G3BP2: variants seen among roughly 807,000 people sequenced by gnomAD.
G3BP2 encodes G3BP stress granule assembly factor 2, also known as ras GTPase-activating protein-binding protein 2.
G3BP2 carries 11 observed loss-of-function variants against 56.7 expected under a neutral mutation model. The ratio of observed to expected loss-of-function variants is 0.19; its 90% CI spans 0.12 to 0.32. G3BP2 has a LOEUF of 0.32. Among genes scored for constraint, G3BP2 ranks in the 10% least tolerant of loss-of-function variants. The pLI is 1.00. For missense variants in G3BP2, 340 were observed against 610.9 expected, an observed-to-expected ratio of 0.56 and a Z score of 4.67; for synonymous variants, 165 against 191.6, an observed-to-expected ratio of 0.86 and a Z score of 1.15.
intron 3 of G3BP2, among the ~76,000 whole-genome samples, chr4:75,698,774 G>A (rs1236261813): frequency 1.3e-5 from 2 of 152,072 alleles, no homozygotes; most frequent in African/African-American, 4.8e-5. Context: ...CATGATCACG[G>A]CTCACTGAAG....
Position 75,645,283 on chromosome 4 carries a change from C to T in G3BP2, c.*147G>A, listed in dbSNP as rs1171371291. ...GAAATTGGGGAAATAATGTCCACCT[C>T]AATTTAACTGATAACCAAAGATGCT... On this transcript the variant is annotated 3_prime_UTR_variant, in exon 12 of 12. Transcript: ENST00000359707. The T allele has an allele frequency of 3.0e-6, 2 of 673,934 alleles. No homozygotes were observed. The highest frequency in any genetic ancestry group is 7.2e-4 in the Middle Eastern group (2 of 2,786). The allele number at this position is 673,934 out of a possible 1,614,324, so 41.7% of individuals were successfully genotyped here.
chr4:75,719,628 T>C (rs890180533), intron 3 of G3BP2, among the ~76,000 whole-genome samples: 1 of 152,114 alleles, frequency 6.6e-6, no homozygotes. Context: ...TTCGCTCTTG[T>C]TGCGCAGGCT....
At chr4:75,716,545 C>T (rs1364463606) in intron 3 of G3BP2, among the ~76,000 whole-genome samples, 8 of 148,712 alleles carry the variant, frequency 5.4e-5, no homozygotes, top group Admixed American at 5.4e-4. Context: ...GACAGAGTTT[C>T]CCTCTTGTCA....
intron 10 of G3BP2, 69 bp from the exon 11 acceptor site, chr4:75,646,525 C>A: frequency 1.1e-6 from 1 of 912,342 alleles, no homozygotes; most frequent in Non-Finnish European, 1.8e-6. Flanking sequence ...TCTAATTGTT[C>A]AGGATGAATA....
chr4:75,657,423 A>G (rs1732202822), intron 4 of G3BP2, 134 bp downstream of exon 4: 2 of 641,772 alleles, frequency 3.1e-6, no homozygotes, highest in African/African-American at 1.8e-5. Context: ...ACACGCACTC[A>G]CTCAAACAAC....
At chr4:75,647,293 G>A in intron 9 of G3BP2, 136 bp from the exon 10 acceptor site, 1 of 559,944 alleles carries the variant, frequency 1.8e-6, no homozygotes, top group Non-Finnish European at 3.1e-6. Flanking sequence ...TTGAAAAAGA[G>A]GCAAAAGTAC....
intron 3 of G3BP2, among the ~76,000 whole-genome samples, chr4:75,720,445 T>C (rs1720117952): frequency 6.9e-6 from 1 of 144,728 alleles, no homozygotes; most frequent in Non-Finnish European, 1.5e-5. Flanking sequence ...GAGCTTGCAG[T>C]GAGCTGAGAT....
chr4:75,684,636 C>G (rs540799358), intron 3 of G3BP2, among the ~76,000 whole-genome samples: 1 of 152,058 alleles, frequency 6.6e-6, no homozygotes, highest in Admixed American at 6.5e-5. Flanking sequence ...GCCTCAAACT[C>G]CTCGGTTCAG....
chr4:75,707,588 T>C (rs1004533453), intron 3 of G3BP2, among the ~76,000 whole-genome samples: 6 of 131,110 alleles, frequency 4.6e-5, no homozygotes, highest in South Asian at 2.5e-4. Context: ...CCAGCCTGGG[T>C]GACAGAGCGA....
At chr4:75,679,219 A>T (rs1037343788) in intron 3 of G3BP2, among the ~76,000 whole-genome samples, 2 of 152,206 alleles carry the variant, frequency 1.3e-5, no homozygotes, top group Admixed American at 1.3e-4. Context: ...AAAACATGTT[A>T]CTTGAGAATC....
Position 75,643,592 on chromosome 4 carries a change from G to A in G3BP2, c.*1838C>T, listed in dbSNP as rs1423643785. The A allele has an allele frequency of 6.6e-6, 1 of 152,210 alleles. No homozygotes were observed. The highest frequency in any genetic ancestry group is 2.4e-5 in the African/African-American group (1 of 41,292). 9.4% of individuals were successfully genotyped at this position (152,210 alleles called of 1,614,324 possible). ...TCAAACATGGAAGACCTCATTCAAA[G>A]GGGGAAAAAGGGACAGATTTTACTC... On this transcript the variant is annotated 3_prime_UTR_variant, in exon 12 of 12. Coordinates refer to ENST00000359707, the MANE Select transcript of G3BP2 (RefSeq NM_203505.3).
At chr4:75,715,020 T>C (rs1324720324) in intron 3 of G3BP2, among the ~76,000 whole-genome samples, 1 of 152,182 alleles carries the variant, frequency 6.6e-6, no homozygotes, top group Non-Finnish European at 1.5e-5. Flanking sequence ...AATTAAATAA[T>C]TTGCCCAAGG....
chr4:75,701,451 G>T (rs1719341202), intron 3 of G3BP2, among the ~76,000 whole-genome samples: 1 of 146,100 alleles, frequency 6.8e-6, no homozygotes, highest in South Asian at 2.5e-4. Context: ...TTTTCACATG[G>T]AGTTTCGCTC....
chr4:75,693,106 T>C (rs948555881), intron 3 of G3BP2, among the ~76,000 whole-genome samples: 9 of 152,004 alleles, frequency 5.9e-5, no homozygotes, highest in African/African-American at 2.2e-4. Flanking sequence ...TAGACGGGTG[T>C]GGTGGTACAC....
chr4:75,706,977 G>A (rs891642958), intron 3 of G3BP2, among the ~76,000 whole-genome samples: 1 of 151,516 alleles, frequency 6.6e-6, no homozygotes, highest in Admixed American at 6.6e-5. Flanking sequence ...CGGATCACCT[G>A]AGGTCAGGAG....
chr4:75,645,507 C>A lies in G3BP2; in HGVS notation c.1372G>T (p.Gly458Cys). ...GAGCCAAGTTTCTGTGCCATGCCAC[C>A]CCTTGGAGGAGGTCCTCTTCCATCA... ...DRDGRGPPPR[G>C]GMAQKLGSGR... is the part of the protein sequence containing the mutation. The change falls in exon 12 of 12, where the codon GGT (glycine) becomes TGT (cysteine). Residue 458 changes from glycine to cysteine, a missense_variant. Gly to Cys is a radical substitution (Grantham distance 159, BLOSUM62 -3). Around this residue, in one of 4 missense-constraint regions of G3BP2, gnomAD observed 94 missense variants for 173.8 expected, o/e 0.54. Transcript: ENST00000359707. 6.2e-7 allele frequency: 1 copy of A among 1,614,008 alleles called. No individual in the cohort carries two copies. Among genetic ancestry groups the A allele is most frequent in the Non-Finnish European group, 8.5e-7 (1 of 1,179,976 alleles).
At chr4:75,716,641 G>A (rs946480386) in intron 3 of G3BP2, among the ~76,000 whole-genome samples, 4 of 152,014 alleles carry the variant, frequency 2.6e-5, no homozygotes, top group African/African-American at 4.8e-5. Context: ...TCAGCCTCCC[G>A]AATAGCTGGG....
At chr4:75,690,720 C>T (rs1394400856) in intron 3 of G3BP2, among the ~76,000 whole-genome samples, 5 of 152,024 alleles carry the variant, frequency 3.3e-5, no homozygotes, top group Admixed American at 3.3e-4. Context: ...CACAGGTATG[C>T]ACCACCATGC....
chr4:75,682,554 C>T (rs879703800), intron 3 of G3BP2, among the ~76,000 whole-genome samples: 4 of 152,210 alleles, frequency 2.6e-5, no homozygotes, highest in African/African-American at 9.6e-5. Context: ...TTATTAATTT[C>T]GTTCAGCTCC....
Sources: gnomAD v4.1 joint callset for allele counts (sites outside exome capture counted in the v4.1 genomes callset) on GRCh38, gnomAD v4.1.1 for gene constraint, gnomAD v4.1.1 regional missense constraint, MANE v1.5 for transcripts, NCBI Gene and HGNC (gene_info 2026-07-23, HGNC 2026-07-21) for gene names.